RBM47: variants seen among roughly 807,000 people sequenced by gnomAD.
The protein encoded by RBM47 is RNA binding motif protein 47, also known as RNA-binding protein 47.
RBM47 carries 21 observed loss-of-function variants against 47.1 expected under a neutral mutation model. The ratio of observed to expected loss-of-function variants is 0.45; its 90% confidence interval spans 0.32 to 0.64. The LOEUF is 0.64. Among genes scored for constraint, RBM47 ranks in the 30% least tolerant of loss-of-function variants. The pLI is 0.05. For synonymous variants in RBM47, 375 were observed against 361.7 expected (o/e 1.04, Z -0.42); for missense variants, 708 against 870.9 (o/e 0.81, Z 2.35).
intron 2 of RBM47, among the ~76,000 whole-genome samples, chr4:40,507,241 G>A (rs1204708610): frequency 6.6e-6 from 1 of 151,988 alleles, no homozygotes; most frequent in Admixed American, 6.5e-5. Flanking sequence ...ACAGGCATAA[G>A]CCACTACACC....
chr4:40,624,860 CTTTTTTTTTT>C (rs1172791380), intron 1 of RBM47, among the ~76,000 whole-genome samples: 1 of 119,654 alleles, frequency 8.4e-6, no homozygotes, highest in East Asian at 2.4e-4. Flanking sequence ...TTTTCTTTTT[CTTTTTTTTTT>C]TTTTTTTTTT....
chr4:40,565,694 A>C (rs1172675204), intron 1 of RBM47, among the ~76,000 whole-genome samples: 1 of 152,162 alleles, frequency 6.6e-6, no homozygotes, highest in African/African-American at 2.4e-5. Flanking sequence ...AGTCTCCCTA[A>C]GTCCCTTCCC....
chr4:40,603,226 C>T (rs1033806551), intron 1 of RBM47, among the ~76,000 whole-genome samples: 1 of 152,154 alleles, frequency 6.6e-6, no homozygotes, highest in Non-Finnish European at 1.5e-5. Flanking sequence ...ACCCTGTTAG[C>T]TTCTTTCACT....
At chr4:40,430,038 AC>A (rs1451593143) in intron 6 of RBM47, among the ~76,000 whole-genome samples, 1 of 152,048 alleles carries the variant, frequency 6.6e-6, no homozygotes, top group Non-Finnish European at 1.5e-5. Flanking sequence ...CTAAAAAAAT[AC>A]AAAAAATTAG....
chr4:40,476,016 A>G lies in RBM47; in HGVS notation c.-154-9317T>C, dbSNP rs77237907. ...AGGCTCAAAAGCTTTGCCACTTCAT[A>G]GAGGACATTTAACAGAAATATTTTA... On this transcript the variant is annotated intron_variant, in intron 2 of 6. Transcript: ENST00000295971. Among the ~76,000 whole-genome samples, 566 of 152,326 alleles carry G rather than the reference A, an allele frequency of 3.7e-3. 3 individuals are homozygous for G. Among genetic ancestry groups the G allele is most frequent in the East Asian group, 0.032 (165 of 5,180 alleles).
chr4:40,479,974 CATTTTTT>C (rs1381675772), intron 2 of RBM47, among the ~76,000 whole-genome samples: 8 of 99,316 alleles, frequency 8.1e-5, no homozygotes, highest in African/African-American at 3.3e-4. Context: ...GTATCATCTC[CATTTTTT>C]TTTTTTTTTT....
At position 40,625,601 on chromosome 4, in the gene RBM47, G is replaced by C. The variant is rs150994056; in HGVS notation, c.-240+3795C>G. 5.3e-5 allele frequency among the ~76,000 whole-genome samples: 8 copies of C among 152,190 alleles called. No individual in the cohort carries two copies. The East Asian group carries it at 1.5e-3, about 29-fold the overall frequency. On this transcript the variant is annotated intron_variant, in intron 1 of 6. Coordinates refer to ENST00000295971, the MANE Select transcript of RBM47 (RefSeq NM_001098634.2). ...GGGTTGTCTTCCACCCCAGCTGGTG[G>C]ATACTCAGGGAATATGAGCAAAACT...
chr4:40,588,987 C>T (rs547536584), intron 1 of RBM47, among the ~76,000 whole-genome samples: 56 of 135,804 alleles, frequency 4.1e-4, no homozygotes, highest in African/African-American at 1.2e-3. Context: ...ATAGCTAAAG[C>T]GTTTCTTTTT....
chr4:40,519,824 C>G (rs1726022206), intron 2 of RBM47, among the ~76,000 whole-genome samples: 4 of 152,192 alleles, frequency 2.6e-5, no homozygotes, highest in African/African-American at 9.6e-5. Context: ...CGCCCGCCAC[C>G]ATGCCCAGCT....
At chr4:40,509,078 T>A (rs569036340) in intron 2 of RBM47, among the ~76,000 whole-genome samples, 10 of 152,100 alleles carry the variant, frequency 6.6e-5, no homozygotes, top group Admixed American at 6.6e-4. Flanking sequence ...GAGAATTGCT[T>A]GAATCTGGGA....
At chr4:40,519,351 G>T (rs1353548551) in intron 2 of RBM47, among the ~76,000 whole-genome samples, 4 of 142,266 alleles carry the variant, frequency 2.8e-5, no homozygotes, top group Non-Finnish European at 4.5e-5. Context: ...AGGCTGGAGT[G>T]CAATGGAACG....
chr4:40,568,939 C>G (rs1174738858), intron 1 of RBM47, among the ~76,000 whole-genome samples: 2 of 151,540 alleles, frequency 1.3e-5, no homozygotes, highest in Non-Finnish European at 2.9e-5. Flanking sequence ...CGAGATTGCG[C>G]CATTGCACTC....
intron 3 of RBM47, among the ~76,000 whole-genome samples, chr4:40,451,091 A>G (rs1017082866): frequency 2.0e-5 from 3 of 151,698 alleles, no homozygotes; most frequent in African/African-American, 7.3e-5. Flanking sequence ...TCACGCCTGT[A>G]ATCCCAGCAC....
chr4:40,608,032 G>A (rs1175255259), intron 1 of RBM47, among the ~76,000 whole-genome samples: 12 of 151,382 alleles, frequency 7.9e-5, no homozygotes, highest in African/African-American at 2.9e-4. Flanking sequence ...AACCAGGGAG[G>A]TGGAGGTTGC....
At chr4:40,580,047 C>T (rs6836087) in intron 1 of RBM47, among the ~76,000 whole-genome samples, 15,058 of 152,114 alleles carry the variant, frequency 0.099, 864 homozygotes, top group South Asian at 0.15. Context: ...AGTGAGCCAC[C>T]GCTTCCGGCC....
At chr4:40,595,611 G>A (rs1483497849) in intron 1 of RBM47, among the ~76,000 whole-genome samples, 3 of 152,090 alleles carry the variant, frequency 2.0e-5, no homozygotes, top group Non-Finnish European at 2.9e-5. Flanking sequence ...GATCAGGCCG[G>A]GTGCTGTGGC....
intron 2 of RBM47, among the ~76,000 whole-genome samples, chr4:40,532,632 T>C (rs1727519392): frequency 6.7e-6 from 1 of 148,228 alleles, no homozygotes; most frequent in Non-Finnish European, 1.5e-5. Flanking sequence ...AATATTATTC[T>C]TTTTCCTTTT....
intron 1 of RBM47, among the ~76,000 whole-genome samples, chr4:40,610,554 G>A (rs1322239437): frequency 6.8e-6 from 1 of 147,620 alleles, no homozygotes; most frequent in Non-Finnish European, 1.5e-5. Flanking sequence ...AGCTTGCAGT[G>A]AGCCGAGATC....
intron 2 of RBM47, chr4:40,544,219 G>A (rs1264179817): frequency 6.6e-6 from 1 of 152,174 alleles, no homozygotes; most frequent in Non-Finnish European, 1.5e-5. Flanking sequence ...GGAGTCCTCT[G>A]AGGACATTTG....
Sources: allele counts gnomAD v4.1 joint callset (sites outside exome capture counted in the v4.1 genomes callset), GRCh38; gene constraint gnomAD v4.1.1; transcripts MANE v1.5; gene names NCBI Gene and HGNC (gene_info 2026-07-23, HGNC 2026-07-21).